The following XPO1 variants were observed in gnomAD, a reference collection of about 807,000 sequenced individuals.
XPO1 encodes exportin 1, also known as exportin-1.
In XPO1, 5 loss-of-function variants were observed where a neutral mutation model predicts 133.3. The observed-to-expected ratio is 0.04, with a 90% CI of 0.02 to 0.08. The LOEUF (loss-of-function observed/expected upper bound fraction) is 0.08, where lower values mean the gene tolerates loss of function less well. Among genes scored for constraint, XPO1 ranks in the 10% least tolerant of loss-of-function variants. XPO1 has a pLI of 1.00. For synonymous variants in XPO1, 419 were observed against 408.2 expected (o/e 1.03, Z -0.32); for missense variants, 506 against 1,267.5 (o/e 0.40, Z 9.12).
intron 6 of XPO1, 45 bp downstream of exon 6, chr2:61,501,951 A>C (rs1417715898): frequency 2.0e-6 from 3 of 1,492,972 alleles, no homozygotes; most frequent in East Asian, 2.3e-5. Flanking sequence ...TTGTTCAAAT[A>C]ATAAGCATAA....
At position 61,492,344 on chromosome 2, in the gene XPO1, C is replaced by T; in HGVS notation, c.1704G>A (p.Lys568=). ...HWKFLKTVVN[K]LFEFMHETHD... is the part of the protein sequence containing the mutation. The stretch of plus-strand genomic sequence containing the variant: ...ATTTACCATGCATGAATTCGAACAG[C>T]TTGTTAACTACAGTCTTCAGAAATT... The change falls in exon 15 of 25, where the codon AAG becomes AAA. Residue 568 remains lysine, a synonymous_variant. Coordinates refer to ENST00000401558, the MANE Select transcript of XPO1 (RefSeq NM_003400.4). The surrounding 1 kb of genome is among the most constrained non-coding windows in gnomAD (Gnocchi z 5.6). 2.5e-6 allele frequency: 4 copies of T among 1,600,232 alleles called. No homozygotes were observed. The highest frequency in any genetic ancestry group is 3.4e-6 in the Non-Finnish European group (4 of 1,176,666).
intron 21 of XPO1, 187 bp from the exon 22 acceptor site, chr2:61,483,278 A>G (rs557599916): frequency 1.2e-4 from 68 of 550,736 alleles, no homozygotes; most frequent in African/African-American, 1.2e-3. Context: ...ATGCTGGCTT[A>G]CTTATAAATT....
intron 1 of XPO1, 142 bp from the exon 2 acceptor site, chr2:61,534,045 T>C: frequency 1.2e-6 from 1 of 804,304 alleles, no homozygotes; most frequent in Non-Finnish European, 1.7e-6. Context: ...AAAACTGAGA[T>C]AGTAAAAGCA....
chr2:61,488,467 G>A lies in XPO1; in HGVS notation c.2206+121C>T. ...CTTAACTGTTTTAAATATGTCTAGG[G>A]TCATTTGGGAAATGGGAGGTCTGAT... On this transcript the variant is annotated intron_variant, in intron 18 of 24. Transcript: ENST00000401558. 6 of 1,189,458 alleles carry A rather than the reference G, an allele frequency of 5.0e-6. No individual in the cohort carries two copies. In the South Asian group the frequency reaches 8.9e-5, roughly 18 times the overall value. The allele number at this position is 1,189,458 out of a possible 1,614,324, so 73.7% of individuals were successfully genotyped here.
chr2:61,526,375 C>T (rs148242041), intron 3 of XPO1, 45 bp downstream of exon 3: 18,160 of 1,581,272 alleles, frequency 0.011, 151 homozygotes, highest in Non-Finnish European at 0.012. Flanking sequence ...AAGTTTATGA[C>T]TGGAAGAAAA....
chr2:61,486,072 C>A, intron 19 of XPO1, 110 bp from the exon 20 acceptor site: 1 of 973,436 alleles, frequency 1.0e-6, no homozygotes, highest in Non-Finnish European at 1.4e-6. Flanking sequence ...CTACTGAAAA[C>A]AGGAAAATCT....
chr2:61,521,595 T>C (rs546537703), intron 4 of XPO1, among the ~76,000 whole-genome samples: 1 of 152,286 alleles, frequency 6.6e-6, no homozygotes, highest in Non-Finnish European at 1.5e-5. Context: ...AAATTACTCA[T>C]TAACAGGTAT....
intron 20 of XPO1, chr2:61,485,472 G>GTCC (rs1553402535): frequency 1.9e-5 from 2 of 103,154 alleles, no homozygotes; most frequent in Non-Finnish European, 3.9e-5. Context: ...AGGCTCAAGT[G>GTCC]ACCCCCCCCC....
At chr2:61,527,669 A>C (rs1349469916) in intron 2 of XPO1, among the ~76,000 whole-genome samples, 3 of 152,198 alleles carry the variant, frequency 2.0e-5, no homozygotes, top group Non-Finnish European at 4.4e-5. Flanking sequence ...TGAGCTCTTT[A>C]AAGAGGGCTC....
rs1696547345 is a variant in XPO1, at chr2:61,484,067, G to A, written c.2547C>T (p.Phe849=). The A allele has an allele frequency of 4.3e-6, 7 of 1,613,762 alleles. No homozygotes were observed. The highest frequency in any genetic ancestry group is 5.9e-6 in the Non-Finnish European group (7 of 1,179,842). The change falls in exon 21 of 25, where the codon TTC becomes TTT. Residue 849 remains phenylalanine (F), a synonymous_variant. Coordinates refer to ENST00000401558, the MANE Select transcript of XPO1 (RefSeq NM_003400.4). ...GAGAATTGACAGCCTGAAGTAGTAA[G>A]AAAAAGTTCGTTCTATGTTCAGGAT... ...EEYPEHRTNF[F]LLLQAVNSHC...
chr2:61,512,099 G>A (rs1698127146), intron 4 of XPO1, among the ~76,000 whole-genome samples: 2 of 152,002 alleles, frequency 1.3e-5, no homozygotes, highest in South Asian at 4.1e-4. Flanking sequence ...ATCCTACCAT[G>A]GTTTAAATAC....
intron 20 of XPO1, chr2:61,485,499 A>C: frequency 8.1e-6 from 1 of 122,860 alleles, no homozygotes; most frequent in Non-Finnish European, 1.6e-5. Flanking sequence ...CAGCCTTTCG[A>C]GTAGTTGGGA....
chr2:61,514,593 T>TAAAAA (rs562982187), intron 4 of XPO1, among the ~76,000 whole-genome samples: 7 of 125,868 alleles, frequency 5.6e-5, no homozygotes, highest in African/African-American at 1.5e-4. Flanking sequence ...ACTCTGTCTT[T>TAAAAA]AAAAAAAAAA....
chr2:61,495,637 C>A, intron 10 of XPO1, 24 bp from the exon 11 acceptor site: 1 of 1,535,426 alleles, frequency 6.5e-7, no homozygotes, highest in South Asian at 1.3e-5. Context: ...AAGGGACGAT[C>A]AGTTCGCATT....
chr2:61,506,249 T>C (rs1697806777), intron 4 of XPO1, among the ~76,000 whole-genome samples: 1 of 151,982 alleles, frequency 6.6e-6, no homozygotes, highest in Non-Finnish European at 1.5e-5. Context: ...GGTGAAACCC[T>C]GTCTCTAATA....
intron 3 of XPO1, chr2:61,525,887 T>C: frequency 9.5e-7 from 1 of 1,047,406 alleles, no homozygotes; most frequent in Non-Finnish European, 1.2e-6. Flanking sequence ...GAAGCGTGAA[T>C]CATCAAGCCT....
intron 2 of XPO1, among the ~76,000 whole-genome samples, chr2:61,532,850 T>C (rs1699217837): frequency 6.8e-6 from 1 of 148,124 alleles, no homozygotes; most frequent in African/African-American, 2.5e-5. Context: ...AAAAAAGATT[T>C]CTGACCCAAC....
At chr2:61,506,621 T>G (rs1170791380) in intron 4 of XPO1, among the ~76,000 whole-genome samples, 2 of 92,296 alleles carry the variant, frequency 2.2e-5, no homozygotes, top group Non-Finnish European at 4.6e-5. Flanking sequence ...AAAAATCCAA[T>G]GTTAAACTGC....
At chr2:61,522,735 A>C in intron 3 of XPO1, 52 bp from the exon 4 acceptor site, 1 of 1,326,622 alleles carries the variant, frequency 7.5e-7, no homozygotes, top group South Asian at 1.2e-5. Flanking sequence ...AGGACTGGCA[A>C]CTCTCAGGAT....
Sources: gnomAD v4.1 joint callset for allele counts (sites outside exome capture counted in the v4.1 genomes callset) on GRCh38, gnomAD v4.1.1 for gene constraint, Gnocchi (gnomAD v3.1) non-coding constraint, MANE v1.5 for transcripts, NCBI Gene and HGNC (gene_info 2026-07-23, HGNC 2026-07-21) for gene names.